Variants in JMJD1C observed in about 807,000 individuals in gnomAD.
JMJD1C encodes the protein jumonji domain-containing protein 1C.
In JMJD1C, 31 loss-of-function variants were observed where a neutral mutation model predicts 245.3. That is an observed-to-expected ratio of 0.13 (90% CI 0.09 to 0.17). JMJD1C has a LOEUF of 0.17. Among genes scored for constraint, JMJD1C ranks in the 10% least tolerant of loss-of-function variants. JMJD1C has a pLI of 1.00. For missense variants in JMJD1C, 2,691 were observed against 3,000.2 expected (o/e 0.90, Z 2.41); for synonymous variants, 1,057 against 1,017.4 (o/e 1.04, Z -0.74).
At chr10:63,416,947 T>C (rs1480478769) in intron 1 of JMJD1C, among the ~76,000 whole-genome samples, 4 of 152,240 alleles carry the variant, frequency 2.6e-5, no homozygotes, top group Non-Finnish European at 5.9e-5. Context: ...TAAATATTTA[T>C]CATTTACTAG....
chr10:63,310,790 G>T (rs1283022134), intron 2 of JMJD1C, among the ~76,000 whole-genome samples: 1 of 151,506 alleles, frequency 6.6e-6, no homozygotes, highest in Non-Finnish European at 1.5e-5. Flanking sequence ...ATTGACAATA[G>T]GGAAAAATAA....
intron 2 of JMJD1C, among the ~76,000 whole-genome samples, chr10:63,341,571 G>T (rs1160384995): frequency 6.6e-6 from 1 of 152,194 alleles, no homozygotes; most frequent in Admixed American, 6.5e-5. Context: ...AAAGGAATGG[G>T]ACATCTTTTT....
At chr10:63,416,578 A>G (rs1284703058) in intron 1 of JMJD1C, among the ~76,000 whole-genome samples, 1 of 152,184 alleles carries the variant, frequency 6.6e-6, no homozygotes, top group Non-Finnish European at 1.5e-5. Context: ...CTGTGCTGGC[A>G]ATTTCTCAAA....
chr10:63,238,189 A>AAAAAATAG lies in JMJD1C; in HGVS notation c.448-18207_448-18206insCTATTTTT, dbSNP rs1554850614. On this transcript the variant is annotated intron_variant, in intron 3 of 25. Coordinates refer to ENST00000399262, the MANE Select transcript of JMJD1C (RefSeq NM_032776.3). Reference sequence around the variant, plus strand: ...GTGTGAGACTCCATCTCAAAAAAAAAAAAAAAGAAAAAAAGGAAGGAAGCT... The same window carrying AAAAAATAG: ...GTGTGAGACTCCATCTCAAAAAAAAAAAAAATAGAAAAAAGAAAAAAAGGAAGGAAGCT... 6.2e-4 allele frequency among the ~76,000 whole-genome samples: 84 copies of AAAAAATAG among 135,770 alleles called. 2 individuals carry two copies. The highest frequency in any genetic ancestry group is 1.6e-3 in the Admixed American group (21 of 12,990). 89.1% of individuals were successfully genotyped at this position (135,770 alleles called of 152,430 possible).
At chr10:63,492,119 G>T (rs1263097025) in intron 1 of JMJD1C, among the ~76,000 whole-genome samples, 1 of 151,840 alleles carries the variant, frequency 6.6e-6, no homozygotes, top group African/African-American at 2.4e-5. Context: ...CTGCACCCTC[G>T]ACCTCCTGGG....
intron 19 of JMJD1C, 127 bp from the exon 20 acceptor site, chr10:63,185,780 C>T: frequency 1.6e-6 from 1 of 640,774 alleles, no homozygotes. Context: ...TGATTGCTTG[C>T]TTATTGACTT....
rs543147316 is a variant in JMJD1C, at chr10:63,371,600, TA to T, written c.333+8717del. Among the ~76,000 whole-genome samples, 1,067 of 152,284 alleles carry T rather than the reference TA, an allele frequency of 7.0e-3. 14 individuals carry two copies. The highest frequency in any genetic ancestry group is 0.023 in the African/African-American group (967 of 41,564). On this transcript the variant is annotated intron_variant, in intron 2 of 25. Transcript: ENST00000399262. ...CATTAGCTAAACTGAATACACTTTT[TA>T]AAAACTGTTTTTCAAGCATCGTTTC...
In JMJD1C at chr10:63,251,763, C is replaced by T. The variant is rs1853117427; in HGVS notation, c.447+12888G>A. ...CAACTTGGCAAGATTATTTTAAAGG[C>T]TTCCACTTGGGTGGCTGAGGTGGGC... is the stretch of plus-strand genomic sequence containing the variant. On this transcript the variant is annotated intron_variant, in intron 3 of 25. Coordinates refer to ENST00000399262, the MANE Select transcript of JMJD1C (RefSeq NM_032776.3). Among the ~76,000 whole-genome samples, 3 of 152,182 alleles carry T rather than the reference C, an allele frequency of 2.0e-5. No homozygotes were observed. In the South Asian group the frequency reaches 6.2e-4, roughly 31 times the overall value.
chr10:63,466,080 G>C (rs887053727), upstream of JMJD1C: 1 of 204,988 alleles, frequency 4.9e-6, no homozygotes, highest in Admixed American at 6.3e-5. Flanking sequence ...CACCGCAGAC[G>C]GAAAGTAGTG....
intron 2 of JMJD1C, among the ~76,000 whole-genome samples, chr10:63,299,024 C>T (rs1188674223): frequency 6.6e-6 from 1 of 151,960 alleles, no homozygotes; most frequent in Non-Finnish European, 1.5e-5. Context: ...AGCCACCATG[C>T]CTGGCCTTCA....
chr10:63,423,734 G>A (rs927928585), intron 1 of JMJD1C, among the ~76,000 whole-genome samples: 1 of 152,166 alleles, frequency 6.6e-6, no homozygotes, highest in Non-Finnish European at 1.5e-5. Context: ...TTTCAACAGT[G>A]GCTAAACCAT....
At chr10:63,198,438 C>T in intron 12 of JMJD1C, 75 bp downstream of exon 12, 4 of 936,554 alleles carry the variant, frequency 4.3e-6, no homozygotes, top group Non-Finnish European at 6.5e-6. Flanking sequence ...TTAGGGACTT[C>T]TTTCACAAAC....
intron 5 of JMJD1C, among the ~76,000 whole-genome samples, chr10:63,216,438 C>T (rs929609898): frequency 4.0e-5 from 6 of 151,880 alleles, no homozygotes; most frequent in African/African-American, 1.5e-4. Flanking sequence ...GAGCCGGGCG[C>T]GGTGGCTCAC....
chr10:63,260,969 C>G (rs572437858), intron 3 of JMJD1C, among the ~76,000 whole-genome samples: 2 of 152,244 alleles, frequency 1.3e-5, no homozygotes, highest in African/African-American at 4.8e-5. Context: ...CTAAAAAACA[C>G]AGTAGAATCT....
intron 8 of JMJD1C, among the ~76,000 whole-genome samples, chr10:63,213,078 C>G (rs183121532): frequency 6.7e-6 from 1 of 149,884 alleles, no homozygotes; most frequent in African/African-American, 2.4e-5. Context: ...CCCAGCTACT[C>G]AGGAGGCTGA....
intron 2 of JMJD1C, among the ~76,000 whole-genome samples, chr10:63,315,870 A>G (rs1378732277): frequency 1.3e-5 from 2 of 151,112 alleles, no homozygotes; most frequent in Admixed American, 1.3e-4. Flanking sequence ...CGAAAAAAAA[A>G]AAGAAGAAAT....
chr10:63,511,511 A>G (rs1954871113), intron 1 of JMJD1C, among the ~76,000 whole-genome samples: 1 of 152,174 alleles, frequency 6.6e-6, no homozygotes, highest in South Asian at 2.1e-4. Context: ...GGAGTTTGAG[A>G]CCAGCCAGGC....
At chr10:63,354,128 T>G (rs1477390160) in intron 2 of JMJD1C, among the ~76,000 whole-genome samples, 2 of 152,196 alleles carry the variant, frequency 1.3e-5, no homozygotes. Flanking sequence ...CATGAGCCAC[T>G]GCGCCTGGCC....
Position 63,462,612 on chromosome 10 carries a change from G to A in JMJD1C, c.168+2883C>T, listed in dbSNP as rs1263254576. 2.0e-5 allele frequency among the ~76,000 whole-genome samples: 3 copies of A among 152,298 alleles called. No individual in the cohort carries two copies. The East Asian group carries it at 5.8e-4, about 29-fold the overall frequency. On this transcript the variant is annotated intron_variant, in intron 1 of 25. Transcript: ENST00000399262. ...ACAGGGCACTTACAAGTGTAATGGG[G>A]AAGCAGGAGAGTTAGAAGGAGATGA...
Sources: allele counts gnomAD v4.1 joint callset (sites outside exome capture counted in the v4.1 genomes callset), GRCh38; gene constraint gnomAD v4.1.1; transcripts MANE v1.5; gene names NCBI Gene and HGNC (gene_info 2026-07-23, HGNC 2026-07-21).